The following ZGRF1 variants were observed in gnomAD, a reference collection of about 807,000 sequenced individuals.
The protein encoded by ZGRF1 is 5'-3' DNA helicase ZGRF1.
In ZGRF1, 196 loss-of-function variants were observed where a neutral mutation model predicts 203.5. The observed-to-expected ratio is 0.96, with a 90% confidence interval of 0.86 to 1.08. The LOEUF (loss-of-function observed/expected upper bound fraction) is 1.08. ZGRF1 is among the 50% of genes least tolerant of loss of function. The probability of loss-of-function intolerance (pLI) is 0.00; values close to 1 mark genes in which losing one functional copy is unlikely to be tolerated. For synonymous variants in ZGRF1, 809 were observed against 841.3 expected, an observed-to-expected ratio of 0.96 and a Z score of 0.66; for missense variants, 2,326 against 2,416.3, an observed-to-expected ratio of 0.96 and a Z score of 0.78.
chr4:112,550,178 C>T (rs994015399), intron 22 of ZGRF1, among the ~76,000 whole-genome samples: 9 of 150,650 alleles, frequency 6.0e-5, no homozygotes, highest in African/African-American at 2.0e-4. Context: ...GGCGACAGAG[C>T]GAGACTCCAT....
In ZGRF1 at chr4:112,617,552, C is replaced by T. The variant is rs779180115; in HGVS notation, c.2490G>A (p.Lys830=). ...AAGCAGTACTGTGTTCACATAGCGA[C>T]TTTAAAATAGAAATGGTATTTACTA... ...SGLVNTISIL[K]SLCEHSTALD... is the part of the protein sequence containing the mutation. The change falls in exon 6 of 28, where the codon AAG becomes AAA. Residue 830 remains lysine, a synonymous_variant. Coordinates refer to ENST00000505019, the MANE Select transcript of ZGRF1 (RefSeq NM_018392.5). 2 of 1,613,370 alleles carry T rather than the reference C, an allele frequency of 1.2e-6. No individual in the cohort carries two copies. Among genetic ancestry groups the T allele is most frequent in the African/African-American group, 1.3e-5 (1 of 74,988 alleles).
rs780474414 is a variant in ZGRF1, at chr4:112,587,162, A to T, written c.3777+118T>A. The T allele has an allele frequency of 4.5e-5, 38 of 840,450 alleles. 1 individual carries two copies. The Admixed American group carries it at 8.1e-4, about 18-fold the overall frequency. The allele number at this position is 840,450 out of a possible 1,614,324, so 52.1% of individuals were successfully genotyped here. ...GATGTAACTGTAGCTCAGAGTTAGG[A>T]TCAAAAAAAGCCATCTGTCCAAATT... On this transcript the variant is annotated intron_variant, in intron 12 of 27. Coordinates refer to ENST00000505019, the MANE Select transcript of ZGRF1 (RefSeq NM_018392.5).
rs570850861 is a variant in ZGRF1 at position 112,557,424 on chromosome 4, A to C, written c.5120+726T>G. ...TTCTGACATCAAGTGATCTGCCTGC[A>C]TTGGCCTCCCAAAGCACTGGGATTA... On this transcript the variant is annotated intron_variant, in intron 20 of 27. Coordinates refer to ENST00000505019, the MANE Select transcript of ZGRF1 (RefSeq NM_018392.5). Among the ~76,000 whole-genome samples the C allele has an allele frequency of 3.9e-5, 6 of 152,242 alleles. No individual in the cohort carries two copies. In the South Asian group the frequency reaches 1.2e-3, roughly 32 times the overall value.
At position 112,583,730 on chromosome 4, in the gene ZGRF1, G is replaced by A. The variant is rs1364372486; in HGVS notation, c.4298+248C>T. 3.9e-5 allele frequency among the ~76,000 whole-genome samples: 6 copies of A among 152,008 alleles called. No homozygotes were observed. The South Asian group carries it at 1.2e-3, about 32-fold the overall frequency. On this transcript the variant is annotated intron_variant, in intron 15 of 27. Transcript: ENST00000505019. ...GAGGTGGGTGGAGAGCTTCAGCCCA[G>A]GAGTTGAAGGTTGCAGTGAGCTAAG...
At chr4:112,596,285 A>C (rs899208735) in intron 10 of ZGRF1, among the ~76,000 whole-genome samples, 2 of 152,154 alleles carry the variant, frequency 1.3e-5, no homozygotes, top group African/African-American at 2.4e-5. Flanking sequence ...AAATCTAACC[A>C]AAGCACCTAG....
At chr4:112,600,601 G>C (rs942522446) in intron 10 of ZGRF1, among the ~76,000 whole-genome samples, 1 of 152,032 alleles carries the variant, frequency 6.6e-6, no homozygotes, top group Non-Finnish European at 1.5e-5. Context: ...TGACGCAGGA[G>C]AATCACTTGA....
chr4:112,539,958 G>A lies in ZGRF1; in HGVS notation c.6077C>T (p.Ala2026Val). The change falls in exon 27 of 28, where the codon GCA becomes GTA. Residue 2026 changes from alanine (A) to valine (V), a missense_variant. Physicochemically the swap from Ala to Val is moderately conservative, Grantham distance 64. Transcript: ENST00000505019. ...FIDSEKRMNV[A>V]LTRGKRHLLI... ...CAAATGCCTCTTTCCTCTAGTCAATGCAACATTCATTCTTTTTTCTGAATC... is the reference window on the plus strand; with the variant it reads ...CAAATGCCTCTTTCCTCTAGTCAATACAACATTCATTCTTTTTTCTGAATC... 1 of 1,613,808 alleles carries A rather than the reference G, an allele frequency of 6.2e-7. No homozygotes were observed.
At chr4:112,560,026 A>T (rs1741663901) in intron 19 of ZGRF1, among the ~76,000 whole-genome samples, 1 of 152,206 alleles carries the variant, frequency 6.6e-6, no homozygotes, top group South Asian at 2.1e-4. Context: ...CTTAATCTTG[A>T]GAGAAAGAAA....
Position 112,620,002 on chromosome 4 carries a change from A to C in ZGRF1, c.351T>G (p.Thr117=). Residue 117 remains threonine (T), a splice_region_variant and synonymous_variant, in exon 5 of 28, where the codon ACT becomes ACG. Transcript: ENST00000505019. ...CQPSGLKRKF[T]GFQGPRQVPK... Reference sequence around the variant, plus strand: ...TATTATTTTCCATAGCAAAACTTACAGTAAACTTCCTTTTTAAGCCAGAGG... The same window carrying C: ...TATTATTTTCCATAGCAAAACTTACCGTAAACTTCCTTTTTAAGCCAGAGG... 2 of 1,567,312 alleles carry C rather than the reference A, an allele frequency of 1.3e-6. No individual in the cohort carries two copies. The highest frequency in any genetic ancestry group is 1.7e-6 in the Non-Finnish European group (2 of 1,163,864).
At chr4:112,575,291 G>A (rs374444612) in intron 16 of ZGRF1, among the ~76,000 whole-genome samples, 1 of 152,118 alleles carries the variant, frequency 6.6e-6, no homozygotes, top group Non-Finnish European at 1.5e-5. Context: ...CTAACATTTG[G>A]GGGGAAGAGC....
At chr4:112,552,103 C>A (rs556006211) in intron 22 of ZGRF1, among the ~76,000 whole-genome samples, 48 of 152,006 alleles carry the variant, frequency 3.2e-4, no homozygotes, top group African/African-American at 1.1e-3. Flanking sequence ...CACTGTGAAA[C>A]CCTGTCTCTA....
intron 10 of ZGRF1, among the ~76,000 whole-genome samples, chr4:112,596,501 T>C (rs1356730577): frequency 6.6e-6 from 1 of 152,146 alleles, no homozygotes; most frequent in African/African-American, 2.4e-5. Flanking sequence ...GACAAGTAGA[T>C]TTGTATTTAC....
chr4:112,555,183 C>G (rs748476584), intron 20 of ZGRF1, among the ~76,000 whole-genome samples: 1 of 152,206 alleles, frequency 6.6e-6, no homozygotes, highest in African/African-American at 2.4e-5. Flanking sequence ...GATATCTACT[C>G]TTAGAGATGA....
intron 10 of ZGRF1, among the ~76,000 whole-genome samples, chr4:112,590,576 T>G (rs1560819207): frequency 6.6e-6 from 1 of 152,114 alleles, no homozygotes; most frequent in Non-Finnish European, 1.5e-5. Context: ...TTCATACTCT[T>G]GTAAATGATT....
chr4:112,603,393 T>G (rs1156575858), intron 10 of ZGRF1, 131 bp downstream of exon 10: 1 of 549,694 alleles, frequency 1.8e-6, no homozygotes, highest in African/African-American at 1.9e-5. Context: ...TTTGAGATAT[T>G]ATGCTTCTTG....
Position 112,620,155 on chromosome 4 carries a change from G to A in ZGRF1, c.198C>T (p.Tyr66=). The change falls in exon 5 of 28, where the codon TAC becomes TAT. Residue 66 remains tyrosine (Y), a synonymous_variant. Transcript: ENST00000505019. ...CTTTAACCTCTTCAACTGTGATTAA[G>A]TATCGATCACTTTCTAAGTCATCTC... is the stretch of plus-strand genomic sequence containing the variant. ...KPGDDLESDR[Y]LITVEEVKVA... 2 of 1,608,396 alleles carry A rather than the reference G, an allele frequency of 1.2e-6. No individual in the cohort carries two copies. Among genetic ancestry groups the A allele is most frequent in the Admixed American group, 1.7e-5 (1 of 58,486 alleles).
intron 16 of ZGRF1, among the ~76,000 whole-genome samples, chr4:112,580,680 C>T (rs1746067088): frequency 6.6e-6 from 1 of 152,132 alleles, no homozygotes; most frequent in Non-Finnish European, 1.5e-5. Flanking sequence ...TGAAAAAATG[C>T]TCATCATCAC....
intron 7 of ZGRF1, among the ~76,000 whole-genome samples, chr4:112,610,409 A>T: frequency 6.6e-6 from 1 of 151,814 alleles, no homozygotes; most frequent in South Asian, 2.1e-4. Context: ...CATCTCTACT[A>T]AAAATACAAA....
In ZGRF1 at chr4:112,633,250, T is replaced by A; in HGVS notation, c.-66-8A>T. The A allele has an allele frequency of 8.3e-7, 1 of 1,197,612 alleles. No homozygotes were observed. Among genetic ancestry groups the A allele is most frequent in the East Asian group, 2.4e-5 (1 of 42,168 alleles). 74.2% of individuals were successfully genotyped at this position (1,197,612 alleles called of 1,614,324 possible). On this transcript the variant is annotated splice_region_variant and splice_polypyrimidine_tract_variant and intron_variant, in intron 1 of 27. Coordinates refer to ENST00000505019, the MANE Select transcript of ZGRF1 (RefSeq NM_018392.5). ...TTCAACTATTTATACCACCTAAAATTAAAAATGACATAAAATTTCAACCCT... is the reference window on the plus strand; with the variant it reads ...TTCAACTATTTATACCACCTAAAATAAAAAATGACATAAAATTTCAACCCT...
Sources: allele counts gnomAD v4.1 joint callset (sites outside exome capture counted in the v4.1 genomes callset), GRCh38; gene constraint gnomAD v4.1.1; transcripts MANE v1.5; gene names NCBI Gene and HGNC (gene_info 2026-07-23, HGNC 2026-07-21).